FSTL4: variants seen among roughly 807,000 people sequenced by gnomAD.
FSTL4 encodes follistatin like 4.
Under a neutral mutation model 78.2 loss-of-function variants are expected in FSTL4, and 28 were observed. The observed-to-expected ratio is 0.36, with a 90% CI of 0.27 to 0.49. The LOEUF (loss-of-function observed/expected upper bound fraction) is 0.49, where lower values mean the gene tolerates loss of function less well. Among genes scored for constraint, FSTL4 ranks in the 20% least tolerant of loss-of-function variants. The pLI is 0.98. For missense variants in FSTL4, 922 were observed against 1,084.9 expected, an observed-to-expected ratio of 0.85 and a Z score of 2.11; for synonymous variants, 422 against 440.5, an observed-to-expected ratio of 0.96 and a Z score of 0.53.
At chr5:133,636,435 G>T in the FSTL4 span, among the ~76,000 whole-genome samples, 2 of 152,126 alleles carry the variant, frequency 1.3e-5, no homozygotes, top group African/African-American at 4.8e-5. Context: ...TAAACCCCTT[G>T]GTGTCCAGTG....
the FSTL4 span, among the ~76,000 whole-genome samples, chr5:133,659,223 T>A: frequency 0.2 from 30,147 of 152,082 alleles, 4,132 homozygotes; most frequent in African/African-American, 0.39. Flanking sequence ...ATTTTTTAAA[T>A]TTATTTCCCA....
At chr5:133,618,188 CAAT>C in the FSTL4 span, among the ~76,000 whole-genome samples, 3 of 152,142 alleles carry the variant, frequency 2.0e-5, no homozygotes, top group African/African-American at 7.2e-5. Context: ...TAACATATAA[CAAT>C]ATATTATAAT....
the FSTL4 span, among the ~76,000 whole-genome samples, chr5:133,632,017 G>A: frequency 6.6e-6 from 1 of 152,078 alleles, no homozygotes; most frequent in Non-Finnish European, 1.5e-5. Flanking sequence ...GGTTAGGGGA[G>A]GGATACCATT....
At chr5:133,758,001 A>G in the FSTL4 span, among the ~76,000 whole-genome samples, 1 of 152,324 alleles carries the variant, frequency 6.6e-6, no homozygotes, top group African/African-American at 2.4e-5. Flanking sequence ...CACACTCTTA[A>G]TACACAGTTT....
At chr5:133,431,202 A>ACTC (rs1357682542) in intron 3 of FSTL4, among the ~76,000 whole-genome samples, 1 of 151,940 alleles carries the variant, frequency 6.6e-6, no homozygotes, top group Non-Finnish European at 1.5e-5. Context: ...CTCTCACATC[A>ACTC]CTCCAGGCAG....
At chr5:133,499,591 A>G (rs1010812369) in intron 3 of FSTL4, among the ~76,000 whole-genome samples, 5 of 152,148 alleles carry the variant, frequency 3.3e-5, no homozygotes, top group Non-Finnish European at 5.9e-5. Context: ...TGTGCTGTTC[A>G]TAACAGTGAC....
At chr5:133,699,206 G>A in the FSTL4 span, among the ~76,000 whole-genome samples, 1 of 152,098 alleles carries the variant, frequency 6.6e-6, no homozygotes, top group Non-Finnish European at 1.5e-5. Flanking sequence ...ATGTCACTTA[G>A]GCTCACCAGT....
intron 3 of FSTL4, among the ~76,000 whole-genome samples, chr5:133,416,331 G>A (rs1479808284): frequency 2.0e-5 from 3 of 152,166 alleles, no homozygotes; most frequent in African/African-American, 7.2e-5. Context: ...AATAAATGGG[G>A]ACAAGAGAAA....
chr5:133,268,977 C>T (rs527691195), intron 6 of FSTL4, among the ~76,000 whole-genome samples: 11 of 151,650 alleles, frequency 7.3e-5, no homozygotes, highest in Non-Finnish European at 1.5e-4. Flanking sequence ...GTCAGGAGAT[C>T]GAGACCATCC....
At chr5:133,687,766 T>C in the FSTL4 span, among the ~76,000 whole-genome samples, 1 of 152,222 alleles carries the variant, frequency 6.6e-6, no homozygotes, top group Non-Finnish European at 1.5e-5. Flanking sequence ...AAAATAGTAG[T>C]AGCCTAAATA....
the FSTL4 span, among the ~76,000 whole-genome samples, chr5:133,804,161 G>A: frequency 2.6e-5 from 4 of 152,138 alleles, no homozygotes; most frequent in Non-Finnish European, 4.4e-5. Flanking sequence ...CAAAATGCCT[G>A]GAAAGGTTCC....
Position 133,361,730 on chromosome 5 carries a change from G to GT in FSTL4, c.409+39007dup, listed in dbSNP as rs1038720733. Among the ~76,000 whole-genome samples the GT allele has an allele frequency of 7.2e-5, 11 of 152,228 alleles. No individual in the cohort carries two copies. Among genetic ancestry groups the GT allele is most frequent in the African/African-American group, 2.4e-4 (10 of 41,530 alleles). Reference sequence around the variant, plus strand: ...AGTGGGGCAGAACTGCCTTGTAGTGGTTTTTTTGGCAATCACTGGGGCATT... The same window carrying GT: ...AGTGGGGCAGAACTGCCTTGTAGTGGTTTTTTTTGGCAATCACTGGGGCATT... On this transcript the variant is annotated intron_variant, in intron 4 of 15. Coordinates refer to ENST00000265342, the MANE Select transcript of FSTL4 (RefSeq NM_015082.2). The surrounding 1 kb of genome is among the most constrained non-coding windows in gnomAD (Gnocchi z 4.3).
At chr5:133,557,399 T>C (rs1253881504) in intron 3 of FSTL4, among the ~76,000 whole-genome samples, 7 of 152,188 alleles carry the variant, frequency 4.6e-5, no homozygotes, top group African/African-American at 1.7e-4. Context: ...TTAATATGCT[T>C]AGAGAATTTC....
the FSTL4 span, among the ~76,000 whole-genome samples, chr5:133,617,614 A>G: frequency 1.3e-5 from 2 of 152,206 alleles, no homozygotes; most frequent in Admixed American, 6.5e-5. Flanking sequence ...TGCACTTGTT[A>G]CAAGGCTGTG....
chr5:133,829,158 G>C, the FSTL4 span, among the ~76,000 whole-genome samples: 1 of 152,204 alleles, frequency 6.6e-6, no homozygotes, highest in Non-Finnish European at 1.5e-5. Context: ...GGGAGGCCAA[G>C]GTGGGAGGAT....
chr5:133,223,480 T>C (rs1019697201), intron 11 of FSTL4, among the ~76,000 whole-genome samples: 3 of 152,200 alleles, frequency 2.0e-5, no homozygotes, highest in African/African-American at 7.2e-5. Context: ...AGCTGGAGAA[T>C]GAGTTGCCAC....
intron 4 of FSTL4, among the ~76,000 whole-genome samples, chr5:133,391,007 C>T (rs575336341): frequency 6.6e-6 from 1 of 152,326 alleles, no homozygotes; most frequent in East Asian, 1.9e-4. Context: ...CCTTATATCA[C>T]TAGGCAGCAG....
intron 2 of FSTL4, among the ~76,000 whole-genome samples, chr5:133,601,486 G>A (rs1376433647): frequency 6.6e-6 from 1 of 152,142 alleles, no homozygotes. Flanking sequence ...CCTGAAGGAG[G>A]AGGAGAGTCA....
chr5:133,821,314 G>A, the FSTL4 span, among the ~76,000 whole-genome samples: 26 of 152,308 alleles, frequency 1.7e-4, no homozygotes, highest in East Asian at 4.8e-3. Context: ...GACCCTCCCT[G>A]GAAATGAGCC....
Sources: allele counts gnomAD v4.1 joint callset (sites outside exome capture counted in the v4.1 genomes callset), GRCh38; gene constraint gnomAD v4.1.1; non-coding constraint Gnocchi (gnomAD v3.1); transcripts MANE v1.5; gene names NCBI Gene and HGNC (gene_info 2026-07-23, HGNC 2026-07-21).